The following LNP1 variants were observed in gnomAD, a reference collection of about 807,000 sequenced individuals.
LNP1 encodes leukemia NUP98 fusion partner 1.
LNP1 carries 12 observed loss-of-function variants against 14.5 expected under a neutral mutation model. The ratio of observed to expected loss-of-function variants is 0.83; its 90% CI spans 0.53 to 1.34. The LOEUF is 1.34. LNP1 is among the 40% of genes most tolerant of loss of function. The pLI, the probability that LNP1 is intolerant of heterozygous loss-of-function variation, is 0.00. For missense variants in LNP1, 198 were observed against 210.9 expected, an observed-to-expected ratio of 0.94 and a Z score of 0.38; for synonymous variants, 75 against 71.4, an observed-to-expected ratio of 1.05 and a Z score of -0.26.
chr3:100,421,452 A>G (rs1032974574), intron 1 of LNP1, among the ~76,000 whole-genome samples: 11 of 152,226 alleles, frequency 7.2e-5, no homozygotes, highest in Non-Finnish European at 1.2e-4. Flanking sequence ...GGACCAGTGA[A>G]GTTGACACAC....
At chr3:100,432,939 G>A (rs182450733) in intron 2 of LNP1, among the ~76,000 whole-genome samples, 1 of 152,194 alleles carries the variant, frequency 6.6e-6, no homozygotes, top group Admixed American at 6.5e-5. Context: ...AACTCCAGAC[G>A]GACCTCCACA....
chr3:100,410,241 A>G (rs1320821085), intron 1 of LNP1, among the ~76,000 whole-genome samples: 2 of 152,234 alleles, frequency 1.3e-5, no homozygotes, highest in Non-Finnish European at 2.9e-5. Flanking sequence ...GTGAGGGGTC[A>G]GAAAGTAAAG....
chr3:100,455,988 A>AT lies in LNP1; in HGVS notation c.*64dup. On this transcript the variant is annotated 3_prime_UTR_variant, in exon 4 of 4. Coordinates refer to ENST00000383693, the MANE Select transcript of LNP1 (RefSeq NM_001085451.2). Reference sequence around the variant, plus strand: ...TTTTGGTTTTTTTCTTTGAGCCCCAATTCACCATTTCAGGATGTGGATGGG... The same window carrying AT: ...TTTTGGTTTTTTTCTTTGAGCCCCAATTTCACCATTTCAGGATGTGGATGGG... The AT allele has an allele frequency of 6.5e-7, 1 of 1,539,476 alleles. No homozygotes were observed. The highest frequency in any genetic ancestry group is 8.8e-7 in the Non-Finnish European group (1 of 1,140,874).
At chr3:100,418,278 G>A (rs1453535860) in intron 1 of LNP1, among the ~76,000 whole-genome samples, 1 of 150,086 alleles carries the variant, frequency 6.7e-6, no homozygotes, top group Non-Finnish European at 1.5e-5. Flanking sequence ...GGCTGGTTTC[G>A]AACTCCTGAC....
intron 1 of LNP1, among the ~76,000 whole-genome samples, chr3:100,424,059 T>G (rs1707170554): frequency 6.6e-6 from 1 of 152,114 alleles, no homozygotes; most frequent in Non-Finnish European, 1.5e-5. Context: ...CGTAGTAGAG[T>G]AGGGAGCTAT....
intron 2 of LNP1, among the ~76,000 whole-genome samples, chr3:100,440,676 T>C (rs1208931043): frequency 2.0e-5 from 3 of 152,226 alleles, no homozygotes; most frequent in African/African-American, 7.2e-5. Context: ...ATATATTTAA[T>C]GAACCCATGC....
chr3:100,407,366 CTTGA>C (rs1706980437), intron 1 of LNP1, among the ~76,000 whole-genome samples: 1 of 152,134 alleles, frequency 6.6e-6, no homozygotes, highest in Non-Finnish European at 1.5e-5. Flanking sequence ...GTACAGTATT[CTTGA>C]TTGACAGTCT....
At chr3:100,437,473 A>C (rs577809371) in intron 2 of LNP1, among the ~76,000 whole-genome samples, 1 of 152,200 alleles carries the variant, frequency 6.6e-6, no homozygotes, top group Non-Finnish European at 1.5e-5. Context: ...CCAATTAAAA[A>C]AAGTTATTTT....
chr3:100,441,425 ACTGT>A (rs1229431428), intron 2 of LNP1, among the ~76,000 whole-genome samples: 1 of 152,136 alleles, frequency 6.6e-6, no homozygotes, highest in Non-Finnish European at 1.5e-5. Flanking sequence ...GCTTGTCTAA[ACTGT>A]CTGTCCTTTG....
chr3:100,450,053 T>C (rs1707423411), intron 2 of LNP1, among the ~76,000 whole-genome samples: 1 of 151,392 alleles, frequency 6.6e-6, no homozygotes, highest in Non-Finnish European at 1.5e-5. Flanking sequence ...TTTTTTATTT[T>C]TCCTTTTGCT....
chr3:100,453,805 A>G (rs1261064236), intron 3 of LNP1, among the ~76,000 whole-genome samples: 1 of 152,120 alleles, frequency 6.6e-6, no homozygotes, highest in African/African-American at 2.4e-5. Context: ...TGACATAAAC[A>G]CAATACAATA....
chr3:100,426,401 G>A (rs1170704445), intron 1 of LNP1, among the ~76,000 whole-genome samples: 1 of 152,172 alleles, frequency 6.6e-6, no homozygotes, highest in Non-Finnish European at 1.5e-5. Context: ...AAACTAGCTA[G>A]CAACTTTTCC....
chr3:100,446,181 A>G (rs1005277674), intron 2 of LNP1, among the ~76,000 whole-genome samples: 1 of 152,200 alleles, frequency 6.6e-6, no homozygotes, highest in Non-Finnish European at 1.5e-5. Context: ...GAGGCATCAC[A>G]CTACCTGACT....
chr3:100,429,818 A>C lies in LNP1; in HGVS notation c.89A>C (p.Gln30Pro), dbSNP rs1244761789. The C allele has an allele frequency of 1.2e-6, 2 of 1,613,902 alleles. No homozygotes were observed. The highest frequency in any genetic ancestry group is 8.5e-7 in the Non-Finnish European group (1 of 1,179,970). ...FWGHSWREED[Q>P]RGLRERHRLQ... is the part of the protein sequence containing the mutation. ...GGCCACAGCTGGAGAGAGGAGGATC[A>C]GAGAGGACTCCGGGAACGCCACCGA... Residue 30 changes from glutamine to proline, a missense_variant, in exon 2 of 4, where the codon CAG becomes CCG. By Grantham distance (76) the Gln-to-Pro change is moderately conservative (BLOSUM62 -1). Coordinates refer to ENST00000383693, the MANE Select transcript of LNP1 (RefSeq NM_001085451.2).
At chr3:100,425,933 A>C (rs1258331569) in intron 1 of LNP1, among the ~76,000 whole-genome samples, 1 of 152,210 alleles carries the variant, frequency 6.6e-6, no homozygotes, top group African/African-American at 2.4e-5. Context: ...AGGTGAGCAA[A>C]GAAGAGTCAG....
intron 1 of LNP1, among the ~76,000 whole-genome samples, chr3:100,414,286 C>G (rs904061055): frequency 6.6e-6 from 1 of 152,100 alleles, no homozygotes; most frequent in Non-Finnish European, 1.5e-5. Context: ...GTGGCTCATG[C>G]CTGTGATCCC....
At chr3:100,411,163 C>G (rs1173595386) in intron 1 of LNP1, among the ~76,000 whole-genome samples, 1 of 152,186 alleles carries the variant, frequency 6.6e-6, no homozygotes, top group Non-Finnish European at 1.5e-5. Flanking sequence ...AGATTTTGGA[C>G]TTGTTACAAA....
intron 1 of LNP1, among the ~76,000 whole-genome samples, chr3:100,405,355 A>G (rs1706955760): frequency 2.0e-5 from 3 of 152,238 alleles, no homozygotes; most frequent in South Asian, 2.1e-4. Flanking sequence ...TCCTAAGAGT[A>G]TGTATAACAC....
chr3:100,420,426 C>T (rs949692815), intron 1 of LNP1, among the ~76,000 whole-genome samples: 3 of 152,172 alleles, frequency 2.0e-5, no homozygotes, highest in African/African-American at 4.8e-5. Context: ...ATCCTCCCAC[C>T]TCAGCCTCCT....
Sources: allele counts gnomAD v4.1 joint callset (sites outside exome capture counted in the v4.1 genomes callset), GRCh38; gene constraint gnomAD v4.1.1; transcripts MANE v1.5; gene names NCBI Gene and HGNC (gene_info 2026-07-23, HGNC 2026-07-21).